Variants in PLCD1 observed in about 807,000 individuals in gnomAD.
PLCD1 encodes the protein phospholipase C delta 1.
A neutral mutation model predicts 87.4 loss-of-function variants in PLCD1; 71 were observed. That is an observed-to-expected ratio of 0.81 (90% CI 0.67 to 0.99). The LOEUF (loss-of-function observed/expected upper bound fraction) is 0.99, where lower values mean the gene tolerates loss of function less well. Among genes scored for constraint, PLCD1 ranks in the 50% least tolerant of loss-of-function variants. The pLI, the probability that PLCD1 is intolerant of heterozygous loss-of-function variation, is 0.00. For synonymous variants in PLCD1, 348 were observed against 399.2 expected (o/e 0.87, Z 1.53); for missense variants, 867 against 1,001.5 (o/e 0.87, Z 1.81).
At chr3:38,028,833 T>C (rs1238858863) in intron 1 of PLCD1, among the ~76,000 whole-genome samples, 2 of 152,226 alleles carry the variant, frequency 1.3e-5, no homozygotes, top group African/African-American at 2.4e-5. Flanking sequence ...CTGGCTCATA[T>C]TGGAGGAAAC....
intron 3 of PLCD1, among the ~76,000 whole-genome samples, chr3:38,012,784 G>A (rs145048358): frequency 0.012 from 1,783 of 151,146 alleles, 17 homozygotes; most frequent in East Asian, 0.03. Context: ...CCCAAAGTGC[G>A]GGGATTACAC....
chr3:38,012,305 T>G (rs1316012978), intron 3 of PLCD1, among the ~76,000 whole-genome samples: 1 of 151,798 alleles, frequency 6.6e-6, no homozygotes, highest in Admixed American at 6.6e-5. Context: ...CCATCTGGAC[T>G]GGTTTTCAAC....
rs1367535126 is a variant in PLCD1 at position 38,025,196 on chromosome 3, G to T, written c.34+4310C>A. On this transcript the variant is annotated intron_variant, in intron 1 of 14. Coordinates refer to ENST00000334661, the MANE Select transcript of PLCD1 (RefSeq NM_006225.4). The surrounding 1 kb of genome is among the most constrained non-coding windows in gnomAD (Gnocchi z 4.0). Reference sequence around the variant, plus strand: ...CCCGCACTGGAAGGGCGGTGTCCAGGCAGGGAGGGGCGGTCCCTCGGCTTT... The same window carrying T: ...CCCGCACTGGAAGGGCGGTGTCCAGTCAGGGAGGGGCGGTCCCTCGGCTTT... Among the ~76,000 whole-genome samples, 4 of 152,168 alleles carry T rather than the reference G, an allele frequency of 2.6e-5. No homozygotes were observed. Among genetic ancestry groups the T allele is most frequent in the Non-Finnish European group, 5.9e-5 (4 of 68,016 alleles).
At chr3:38,008,686 T>G in intron 11 of PLCD1, 50 bp from the exon 12 acceptor site, 196 of 1,509,072 alleles carry the variant, frequency 1.3e-4, no homozygotes, top group Non-Finnish European at 1.7e-4. Context: ...CCTGGGGCCC[T>G]AGAGCACAGC....
At chr3:38,028,980 T>C (rs1196886337) in intron 1 of PLCD1, among the ~76,000 whole-genome samples, 1 of 152,240 alleles carries the variant, frequency 6.6e-6, no homozygotes, top group Non-Finnish European at 1.5e-5. Flanking sequence ...GCTGGGCAGT[T>C]AAGGCTGCAC....
Position 38,011,331 on chromosome 3 carries a change from C to G in PLCD1, c.673G>C (p.Gly225Arg). The G allele has an allele frequency of 1.9e-6, 3 of 1,612,492 alleles. No individual in the cohort carries two copies. The highest frequency in any genetic ancestry group is 2.5e-6 in the Non-Finnish European group (3 of 1,180,044). The change falls in exon 5 of 15, where the codon GGG becomes CGG. Residue 225 changes from glycine to arginine, a missense_variant. By Grantham distance (125) the Gly-to-Arg change is moderately radical. Transcript: ENST00000334661. ...AACTGATCCACCGACAGAGTCTCCC[C>G]TGAGCCCGCGGCCTCGGCGAAGGTG... Reference protein sequence around the residue: ...DRTFAEAAGSGETLSVDQLVT... With the variant: ...DRTFAEAAGSRETLSVDQLVT...
chr3:38,010,035 T>C lies in PLCD1; in HGVS notation c.1156A>G (p.Ile386Val). 5 of 1,614,168 alleles carry C rather than the reference T, an allele frequency of 3.1e-6. No homozygotes were observed. The South Asian group carries it at 3.3e-5, about 11-fold the overall frequency. Residue 386 changes from isoleucine to valine, a missense_variant, in exon 8 of 15, where the codon ATC becomes GTC. Transcript: ENST00000334661. ...YAFKASPYPV[I>V]LSLENHCTLE... is the part of the protein sequence containing the mutation. ...GTGCAGTGGTTCTCCAGGGATAGGA[T>C]GACAGGGTAGGGGGACGCCTGGAGG...
intron 1 of PLCD1, among the ~76,000 whole-genome samples, chr3:38,026,118 G>A (rs1700305852): frequency 6.6e-6 from 1 of 152,170 alleles, no homozygotes; most frequent in African/African-American, 2.4e-5. Context: ...AAACTGCGCA[G>A]GGGTTCTTAA....
At position 38,009,027 on chromosome 3, in the gene PLCD1, C is replaced by T. The variant is rs1424924464; in HGVS notation, c.1723+15G>A. 3.1e-6 allele frequency: 5 copies of T among 1,599,366 alleles called. No homozygotes were observed. The highest frequency in any genetic ancestry group is 4.3e-6 in the Non-Finnish European group (5 of 1,168,024). On this transcript the variant is annotated intron_variant, in intron 11 of 14. Coordinates refer to ENST00000334661, the MANE Select transcript of PLCD1 (RefSeq NM_006225.4). ...ACCCTCCTCCAGGCCTCCTCCAGCC[C>T]CAGCCAGCCCATACCGATCTGGCAG...
intron 1 of PLCD1, among the ~76,000 whole-genome samples, chr3:38,026,443 C>T (rs111740328): frequency 6.4e-4 from 98 of 152,318 alleles, no homozygotes; most frequent in African/African-American, 2.3e-3. Context: ...CCCTTGAACC[C>T]GGGAGGTGGA....
Position 38,011,264 on chromosome 3 carries a change from C to G in PLCD1, c.740G>C (p.Gly247Ala). 1 of 1,611,658 alleles carries G rather than the reference C, an allele frequency of 6.2e-7. No homozygotes were observed. Among genetic ancestry groups the G allele is most frequent in the Non-Finnish European group, 8.5e-7 (1 of 1,180,016 alleles). ...AATGAGGGAGAGGGCCAGCGCAGGC[C>G]CTGCCGCCTCCTCCCGCTGCTGGTG... ...LQHQQREEAA[G>A]PALALSLIER... Residue 247 changes from glycine (G) to alanine (A), a missense_variant, in exon 5 of 15, where the codon GGG (glycine) becomes GCG (alanine). Physicochemically the swap from Gly to Ala is moderately conservative, Grantham distance 60. Transcript: ENST00000334661.
intron 1 of PLCD1, among the ~76,000 whole-genome samples, chr3:38,023,803 C>T (rs1700268034): frequency 6.6e-6 from 1 of 151,650 alleles, no homozygotes; most frequent in African/African-American, 2.4e-5. Flanking sequence ...AAGCAGCCAC[C>T]TCAGTGCCAC....
intron 1 of PLCD1, chr3:38,024,185 C>T: frequency 1.5e-6 from 1 of 682,006 alleles, no homozygotes. Context: ...AAACACTGCC[C>T]CACAGTGGGC....
At chr3:38,024,287 A>G in intron 1 of PLCD1, 1 of 1,542,904 alleles carries the variant, frequency 6.5e-7, no homozygotes, top group Non-Finnish European at 8.9e-7. Context: ...GTCCTGCTCC[A>G]GCTGCCTTCC....
chr3:38,012,856 G>A (rs1700102094), intron 3 of PLCD1, among the ~76,000 whole-genome samples: 1 of 151,828 alleles, frequency 6.6e-6, no homozygotes, highest in South Asian at 2.1e-4. Context: ...TCCTCCAGAA[G>A]CTTCTGATAT....
intron 1 of PLCD1, chr3:38,024,459 G>C (rs369393201): frequency 2.5e-6 from 4 of 1,600,554 alleles, no homozygotes; most frequent in Non-Finnish European, 3.4e-6. Flanking sequence ...CCCTGCCTGC[G>C]CGGAGCCGGG....
intron 8 of PLCD1, 24 bp from the exon 9 acceptor site, chr3:38,009,835 C>G (rs1246849711): frequency 1.2e-6 from 2 of 1,613,408 alleles, no homozygotes; most frequent in South Asian, 2.2e-5. Flanking sequence ...GGCAACTGGT[C>G]AAGACACACC....
chr3:38,011,243 A>G lies in PLCD1; in HGVS notation c.761T>C (p.Leu254Pro). Residue 254 changes from leucine to proline, a missense_variant, in exon 5 of 15, where the codon CTC (leucine) becomes CCC (proline). Coordinates refer to ENST00000334661, the MANE Select transcript of PLCD1 (RefSeq NM_006225.4). The stretch of plus-strand genomic sequence containing the variant: ...CTCGCTGGGCTCGTAGCGCTCAATG[A>G]GGGAGAGGGCCAGCGCAGGCCCTGC... ...EAAGPALALS[L>P]IERYEPSETA... The G allele has an allele frequency of 1.2e-6, 2 of 1,610,714 alleles. No homozygotes were observed. Among genetic ancestry groups the G allele is most frequent in the Non-Finnish European group, 1.7e-6 (2 of 1,179,836 alleles).
At chr3:38,026,176 A>G (rs1024171725) in intron 1 of PLCD1, among the ~76,000 whole-genome samples, 15 of 152,190 alleles carry the variant, frequency 9.9e-5, no homozygotes, top group African/African-American at 3.6e-4. Context: ...AACATCTCAA[A>G]ATAATTGGCT....
Sources: allele counts gnomAD v4.1 joint callset (sites outside exome capture counted in the v4.1 genomes callset), GRCh38; gene constraint gnomAD v4.1.1; non-coding constraint Gnocchi (gnomAD v3.1); transcripts MANE v1.5; gene names NCBI Gene and HGNC (gene_info 2026-07-23, HGNC 2026-07-21).